Variants in EYS observed in about 807,000 individuals in gnomAD.
The protein encoded by EYS is EGF-like photoreceptor maintenance factor, also known as protein eyes shut homolog.
A neutral mutation model predicts 282.1 loss-of-function variants in EYS; 250 were observed. The ratio of observed to expected loss-of-function variants is 0.89; its 90% CI spans 0.80 to 0.98. EYS has a LOEUF of 0.98. EYS is among the 50% of genes least tolerant of loss of function. EYS has a pLI of 0.00. For synonymous variants in EYS, 1,355 were observed against 1,282.9 expected (o/e 1.06, Z -1.20); for missense variants, 4,016 against 3,709.0 (o/e 1.08, Z -2.15).
chr6:64,746,951 T>G (rs911658311), intron 22 of EYS, among the ~76,000 whole-genome samples: 3 of 152,230 alleles, frequency 2.0e-5, no homozygotes, highest in African/African-American at 7.2e-5. Flanking sequence ...AGAAGAGTAC[T>G]CAGATTTCTG....
chr6:65,113,154 T>C (rs941640125), intron 12 of EYS, among the ~76,000 whole-genome samples: 4 of 152,048 alleles, frequency 2.6e-5, no homozygotes, highest in African/African-American at 9.7e-5. Flanking sequence ...TATATATCTT[T>C]TGAAAATGGC....
At chr6:64,896,847 G>C (rs942499699) in intron 18 of EYS, among the ~76,000 whole-genome samples, 3 of 152,060 alleles carry the variant, frequency 2.0e-5, no homozygotes, top group Non-Finnish European at 2.9e-5. Flanking sequence ...AGTTCAGACT[G>C]GTGGAGGGGG....
intron 37 of EYS, among the ~76,000 whole-genome samples, chr6:63,792,601 A>G (rs1460470249): frequency 1.3e-5 from 2 of 151,896 alleles, no homozygotes; most frequent in East Asian, 3.8e-4. Context: ...AAATATATAT[A>G]TATAAAAAAA....
At chr6:64,733,719 T>G (rs552229011) in intron 22 of EYS, 1 of 160,792 alleles carries the variant, frequency 6.2e-6, no homozygotes, top group Non-Finnish European at 1.4e-5. Context: ...CTTAGAATCA[T>G]AGCGCTGCAG....
intron 12 of EYS, among the ~76,000 whole-genome samples, chr6:65,166,640 C>G (rs1343866431): frequency 6.6e-6 from 1 of 151,110 alleles, no homozygotes; most frequent in Non-Finnish European, 1.5e-5. Flanking sequence ...TATGAATACA[C>G]CTTCATGACC....
At chr6:64,500,750 T>G (rs114056194) in intron 26 of EYS, among the ~76,000 whole-genome samples, 2,120 of 152,182 alleles carry the variant, frequency 0.014, 36 homozygotes, top group African/African-American at 0.041. Context: ...CCACAGAGAC[T>G]TAAATGGATT....
intron 36 of EYS, among the ~76,000 whole-genome samples, chr6:63,824,466 T>C (rs946034061): frequency 2.0e-5 from 3 of 152,180 alleles, no homozygotes; most frequent in Non-Finnish European, 4.4e-5. Flanking sequence ...CATAAAAAAT[T>C]AAATGTTACT....
chr6:64,910,881 C>G (rs1583285804), intron 16 of EYS, among the ~76,000 whole-genome samples: 1 of 151,868 alleles, frequency 6.6e-6, no homozygotes, highest in Non-Finnish European at 1.5e-5. Context: ...GAAAACAATG[C>G]CCACTTTGCA....
intron 31 of EYS, among the ~76,000 whole-genome samples, chr6:64,201,101 T>C (rs1162174340): frequency 6.6e-6 from 1 of 152,146 alleles, no homozygotes; most frequent in Admixed American, 6.6e-5. Flanking sequence ...TAAAGTATTT[T>C]AGTATAGGTT....
intron 12 of EYS, among the ~76,000 whole-genome samples, chr6:65,139,314 A>G (rs1764261611): frequency 6.6e-6 from 1 of 152,068 alleles, no homozygotes. Flanking sequence ...CCGTTATCCT[A>G]AGCAAACTAA....
chr6:64,328,248 G>A (rs1004912353), intron 29 of EYS, among the ~76,000 whole-genome samples: 5 of 152,166 alleles, frequency 3.3e-5, no homozygotes, highest in Admixed American at 6.5e-5. Context: ...GCACCATAGA[G>A]TTATACAAGC....
chr6:65,594,063 G>A (rs983510662), intron 2 of EYS, among the ~76,000 whole-genome samples: 2 of 151,886 alleles, frequency 1.3e-5, no homozygotes, highest in Non-Finnish European at 2.9e-5. Flanking sequence ...AAAATAATGA[G>A]TTGATAGTTA....
At chr6:65,444,502 G>C (rs1329794450) in intron 5 of EYS, among the ~76,000 whole-genome samples, 1 of 152,070 alleles carries the variant, frequency 6.6e-6, no homozygotes. Flanking sequence ...TAGCGGAAAG[G>C]TCAGTCTTTG....
intron 14 of EYS, among the ~76,000 whole-genome samples, chr6:64,959,875 A>ATTT (rs35264278): frequency 3.4e-5 from 4 of 119,222 alleles, no homozygotes; most frequent in East Asian, 2.5e-4. Context: ...ACGACTCAGG[A>ATTT]TTTTTTTTTT....
At chr6:65,415,041 A>G (rs1351499866) in intron 5 of EYS, among the ~76,000 whole-genome samples, 2 of 152,122 alleles carry the variant, frequency 1.3e-5, no homozygotes, top group Non-Finnish European at 2.9e-5. Context: ...AAAATACAAA[A>G]TTTGTCAAAT....
chr6:64,392,900 AAG>A (rs1283355884), intron 28 of EYS, among the ~76,000 whole-genome samples: 1 of 152,126 alleles, frequency 6.6e-6, no homozygotes, highest in Non-Finnish European at 1.5e-5. Context: ...TAAAGAAAAA[AAG>A]AGAGAAGAAT....
At chr6:65,048,795 T>C (rs1265648340) in intron 13 of EYS, among the ~76,000 whole-genome samples, 1 of 151,786 alleles carries the variant, frequency 6.6e-6, no homozygotes, top group Non-Finnish European at 1.5e-5. Flanking sequence ...CATCATTTTC[T>C]TTTTTTCTTA....
At chr6:65,197,363 AG>A (rs1328021974) in intron 12 of EYS, among the ~76,000 whole-genome samples, 5 of 152,110 alleles carry the variant, frequency 3.3e-5, no homozygotes, top group Admixed American at 6.6e-5. Flanking sequence ...ATCTGAGACC[AG>A]AGTAACTAAA....
At chr6:64,014,664 C>T (rs1236047094) in intron 33 of EYS, among the ~76,000 whole-genome samples, 1 of 152,070 alleles carries the variant, frequency 6.6e-6, no homozygotes, top group Non-Finnish European at 1.5e-5. Flanking sequence ...TGTAAAAAGG[C>T]TACAGTGTGA....
Sources: allele counts gnomAD v4.1 joint callset (sites outside exome capture counted in the v4.1 genomes callset), GRCh38; gene constraint gnomAD v4.1.1; transcripts MANE v1.5; gene names NCBI Gene and HGNC (gene_info 2026-07-23, HGNC 2026-07-21).